Variants in TUSC3 observed in about 807,000 individuals in gnomAD.
The protein encoded by TUSC3 is tumor suppressor candidate 3, also known as dolichyl-diphosphooligosaccharide--protein glycosyltransferase subunit TUSC3.
Under a neutral mutation model 44.8 loss-of-function variants are expected in TUSC3, and 45 were observed. The observed-to-expected ratio is 1.00, with a 90% confidence interval of 0.79 to 1.29. TUSC3 has a LOEUF of 1.29. TUSC3 is among the 50% of genes most tolerant of loss of function. The probability of loss-of-function intolerance (pLI) is 0.00; values close to 1 mark genes in which losing one functional copy is unlikely to be tolerated. For synonymous variants in TUSC3, 212 were observed against 152.9 expected (o/e 1.39, Z -2.85); for missense variants, 519 against 437.9 (o/e 1.19, Z -1.65).
chr8:15,426,133 T>C (rs991773768), intron 1 of TUSC3, among the ~76,000 whole-genome samples: 3 of 152,256 alleles, frequency 2.0e-5, no homozygotes, highest in African/African-American at 7.2e-5. Flanking sequence ...AAAGTGTACA[T>C]TTGATGAGTT....
intron 2 of TUSC3, among the ~76,000 whole-genome samples, chr8:15,534,230 T>G (rs912721172): frequency 3.9e-5 from 6 of 152,174 alleles, no homozygotes; most frequent in African/African-American, 1.4e-4. Flanking sequence ...AAATAATAAC[T>G]TTTGGCATTA....
chr8:15,599,990 A>G (rs1292182512), intron 1 of TUSC3, among the ~76,000 whole-genome samples: 1 of 151,636 alleles, frequency 6.6e-6, no homozygotes, highest in Non-Finnish European at 1.5e-5. Context: ...AAGACAGTCA[A>G]CGCCATCTGC....
Position 15,686,743 on chromosome 8 carries a change from A to C in TUSC3, c.798+12907A>C, listed in dbSNP as rs189620533. On this transcript the variant is annotated intron_variant, in intron 6 of 10. Coordinates refer to ENST00000503731, the MANE Select transcript of TUSC3 (RefSeq NM_006765.4). ...CAGTCTTCATACCACCAGCAAAGAG[A>C]ATGTTAACATTATCCTGAAATTTTT... 1.8e-4 allele frequency among the ~76,000 whole-genome samples: 27 copies of C among 152,190 alleles called. No homozygotes were observed. In the East Asian group the frequency reaches 4.1e-3, roughly 23 times the overall value.
chr8:15,460,773 T>C (rs1006393016), intron 1 of TUSC3, among the ~76,000 whole-genome samples: 20 of 152,192 alleles, frequency 1.3e-4, no homozygotes, highest in Admixed American at 2.6e-4. Flanking sequence ...CAGCACCATT[T>C]GTTGAAAAGG....
chr8:15,429,485 A>C (rs1799845659), intron 1 of TUSC3, among the ~76,000 whole-genome samples: 1 of 151,218 alleles, frequency 6.6e-6, no homozygotes, highest in African/African-American at 2.5e-5. Flanking sequence ...ACTTCAAAGT[A>C]GTTTTTTCCA....
At chr8:15,544,237 C>T (rs1245506978) in intron 1 of TUSC3, among the ~76,000 whole-genome samples, 1 of 151,982 alleles carries the variant, frequency 6.6e-6, no homozygotes, top group African/African-American at 2.4e-5. Context: ...TTTATTTTGA[C>T]AGTTTCTCTC....
chr8:15,768,952 C>G (rs1312173561), downstream of TUSC3, among the ~76,000 whole-genome samples: 2 of 152,130 alleles, frequency 1.3e-5, no homozygotes, highest in Admixed American at 1.3e-4. Flanking sequence ...AAACACATTC[C>G]ATGCTCATGG....
intron 5 of TUSC3, among the ~76,000 whole-genome samples, chr8:15,670,605 C>G (rs1807905111): frequency 6.6e-6 from 1 of 151,822 alleles, no homozygotes; most frequent in South Asian, 2.1e-4. Flanking sequence ...GGATATGTAT[C>G]TCCATAATTG....
At chr8:15,466,671 A>G (rs1800418483) in intron 1 of TUSC3, among the ~76,000 whole-genome samples, 1 of 152,142 alleles carries the variant, frequency 6.6e-6, no homozygotes, top group Non-Finnish European at 1.5e-5. Flanking sequence ...ATTTGTCTGA[A>G]CAGTAGATTA....
chr8:15,516,808 G>A (rs1365666896), intron 2 of TUSC3, among the ~76,000 whole-genome samples: 1 of 151,954 alleles, frequency 6.6e-6, no homozygotes, highest in Non-Finnish European at 1.5e-5. Flanking sequence ...TATAAAAATG[G>A]GGACTATCCA....
chr8:15,749,921 C>G (rs999995551), intron 9 of TUSC3, among the ~76,000 whole-genome samples: 2 of 146,824 alleles, frequency 1.4e-5, no homozygotes, highest in African/African-American at 5.1e-5. Flanking sequence ...CTTATAGTTT[C>G]AAAGGAAATG....
At chr8:15,480,745 G>T (rs1349404323) in intron 1 of TUSC3, among the ~76,000 whole-genome samples, 1 of 152,110 alleles carries the variant, frequency 6.6e-6, no homozygotes, top group Non-Finnish European at 1.5e-5. Context: ...AAGGACACTG[G>T]TCAGATCAGA....
intron 2 of TUSC3, among the ~76,000 whole-genome samples, chr8:15,629,208 A>G (rs909758706): frequency 1.3e-5 from 2 of 152,184 alleles, no homozygotes; most frequent in Non-Finnish European, 2.9e-5. Flanking sequence ...TGAAGAGGAA[A>G]AAAGTGAGAT....
chr8:15,461,440 T>A (rs56037552), intron 1 of TUSC3, among the ~76,000 whole-genome samples: 7 of 151,690 alleles, frequency 4.6e-5, no homozygotes, highest in Admixed American at 4.6e-4. Context: ...TCTGGTGGAG[T>A]CTTTAGGTTT....
chr8:15,490,449 A>C (rs113282001), intron 2 of TUSC3, among the ~76,000 whole-genome samples: 2 of 151,708 alleles, frequency 1.3e-5, no homozygotes, highest in Admixed American at 1.3e-4. Context: ...CCACCCTGCA[A>C]TTTTCCAGCA....
chr8:15,509,393 G>C (rs901702582), intron 2 of TUSC3, among the ~76,000 whole-genome samples: 6 of 152,254 alleles, frequency 3.9e-5, no homozygotes, highest in Admixed American at 1.3e-4. Context: ...CAAATTGCTT[G>C]AGGTCAAGTG....
intron 1 of TUSC3, among the ~76,000 whole-genome samples, chr8:15,584,127 T>G (rs1803496696): frequency 2.6e-5 from 4 of 152,206 alleles, no homozygotes; most frequent in African/African-American, 9.6e-5. Context: ...TAATTGATGT[T>G]AAACTTGTTA....
At chr8:15,827,312 C>T in the TUSC3 span, among the ~76,000 whole-genome samples, 26,037 of 152,076 alleles carry the variant, frequency 0.17, 2,380 homozygotes, top group Admixed American at 0.28. Flanking sequence ...CGGCTGAAGA[C>T]ATTAAAAAAT....
the TUSC3 span, among the ~76,000 whole-genome samples, chr8:15,777,456 C>G: frequency 2.0e-5 from 3 of 152,036 alleles, no homozygotes; most frequent in Non-Finnish European, 4.4e-5. Context: ...ATATACATCC[C>G]CATGTATGCT....
Sources: gnomAD v4.1 joint callset for allele counts (sites outside exome capture counted in the v4.1 genomes callset) on GRCh38, gnomAD v4.1.1 for gene constraint, MANE v1.5 for transcripts, NCBI Gene and HGNC (gene_info 2026-07-23, HGNC 2026-07-21) for gene names.